ESYT2: variants seen among roughly 807,000 people sequenced by gnomAD.
The protein encoded by ESYT2 is extended synaptotagmin 2.
ESYT2 carries 54 observed loss-of-function variants against 107.2 expected under a neutral mutation model. The observed-to-expected ratio is 0.50, with a 90% CI of 0.40 to 0.63. The LOEUF is 0.63. ESYT2 is among the 30% of genes least tolerant of loss of function. The pLI is 0.00. For missense variants in ESYT2, 1,020 were observed against 1,094.5 expected (o/e 0.93, Z 0.96); for synonymous variants, 491 against 434.1 (o/e 1.13, Z -1.63).
rs981869625 is a variant in ESYT2 at position 158,733,543 on chromosome 7, T to C, written c.*664A>G. Reference sequence around the variant, plus strand: ...ATTCTCTTAATATATTACTCAGTTATAAAACATTTTTCCTTATAAGCCCTT... The same window carrying C: ...ATTCTCTTAATATATTACTCAGTTACAAAACATTTTTCCTTATAAGCCCTT... On this transcript the variant is annotated 3_prime_UTR_variant, in exon 23 of 23. Transcript: ENST00000275418. The C allele has an allele frequency of 2.0e-5, 3 of 152,262 alleles. No homozygotes were observed. Among genetic ancestry groups the C allele is most frequent in the African/African-American group, 7.2e-5 (3 of 41,470 alleles). The allele number at this position is 152,262 out of a possible 1,614,324, so 9.4% of individuals were successfully genotyped here. A position where few individuals can be genotyped will look rare whatever the true frequency, so the allele number is the denominator to read the frequency against.
At chr7:158,820,941 C>G (rs1252954139) in intron 1 of ESYT2, among the ~76,000 whole-genome samples, 1 of 152,176 alleles carries the variant, frequency 6.6e-6, no homozygotes, top group Non-Finnish European at 1.5e-5. Flanking sequence ...GCACCTAACA[C>G]AGTACCTAGA....
chr7:158,799,005 T>A, intron 2 of ESYT2, 26 bp downstream of exon 2: 1 of 1,598,904 alleles, frequency 6.3e-7, no homozygotes, highest in Non-Finnish European at 8.5e-7. Flanking sequence ...CACTGATGGA[T>A]GGTAGTTGGT....
At chr7:158,765,879 T>G (rs1372830330) in intron 8 of ESYT2, among the ~76,000 whole-genome samples, 1 of 152,156 alleles carries the variant, frequency 6.6e-6, no homozygotes, top group Non-Finnish European at 1.5e-5. Context: ...TAGGAAGCAT[T>G]CTGCCCCCAC....
chr7:158,793,192 T>G (rs1839362472), intron 4 of ESYT2, among the ~76,000 whole-genome samples: 1 of 152,232 alleles, frequency 6.6e-6, no homozygotes, highest in Non-Finnish European at 1.5e-5. Flanking sequence ...TAAATGCTTT[T>G]TCTCCATCAA....
intron 19 of ESYT2, among the ~76,000 whole-genome samples, chr7:158,738,328 TACACACACACACACAGACAC>T (rs1837047400): frequency 3.2e-5 from 2 of 62,928 alleles, no homozygotes; most frequent in Non-Finnish European, 5.7e-5. Flanking sequence ...AAAAAAAAAA[TACACACACACACACAGACAC>T]ACACACACAC....
At position 158,741,539 on chromosome 7, in the gene ESYT2, G is replaced by A; in HGVS notation, c.2152C>T (p.Leu718=). 15 of 1,590,084 alleles carry A rather than the reference G, an allele frequency of 9.4e-6. No individual in the cohort carries two copies. The highest frequency in any genetic ancestry group is 1.3e-5 in the Non-Finnish European group (15 of 1,173,596). Residue 718 remains leucine (L), a synonymous_variant, in exon 18 of 23, where the codon CTG becomes TTG. Coordinates refer to ENST00000275418, the MANE Select transcript of ESYT2 (RefSeq NM_001367773.1). ...CTTAGTTACTTTTCCAGCTGCCTCA[G>A]CCTTTGCCGCAGCTCCTGGGTGGCG... is the stretch of plus-strand genomic sequence containing the variant. ...PIATQELRQR[L]RQLENGTTLG...
intron 1 of ESYT2, 36 bp downstream of exon 1, chr7:158,829,053 G>T (rs1221626680): frequency 3.2e-6 from 5 of 1,569,258 alleles, no homozygotes; most frequent in East Asian, 2.4e-5. Flanking sequence ...CGGGACTGGT[G>T]GTCAGGGGTC....
chr7:158,798,023 T>A lies in ESYT2; in HGVS notation c.426A>T (p.Arg142=). The A allele has an allele frequency of 6.2e-7, 1 of 1,614,148 alleles. No homozygotes were observed. Among genetic ancestry groups the A allele is most frequent in the Non-Finnish European group, 8.5e-7 (1 of 1,180,026 alleles). Reference sequence around the variant, plus strand: ...CCCGCACGGCTGGTTCTATAGTTTCTCGAAACAACTTCTCTATAAATTGGC... The same window carrying A: ...CCCGCACGGCTGGTTCTATAGTTTCACGAAACAACTTCTCTATAAATTGGC... ...FICQFIEKLF[R]ETIEPAVRGA... The change falls in exon 3 of 23, where the codon CGA becomes CGT. Residue 142 remains arginine (R), a synonymous_variant. Coordinates refer to ENST00000275418, the MANE Select transcript of ESYT2 (RefSeq NM_001367773.1).
At chr7:158,801,058 C>T (rs1189002305) in intron 1 of ESYT2, among the ~76,000 whole-genome samples, 5 of 151,634 alleles carry the variant, frequency 3.3e-5, no homozygotes, top group African/African-American at 7.3e-5. Context: ...CGGGAGGAGG[C>T]GGCACCCATG....
intron 16 of ESYT2, among the ~76,000 whole-genome samples, chr7:158,746,229 G>GAC (rs55828446): frequency 0.64 from 94,460 of 147,864 alleles, 31,287 homozygotes; most frequent in Non-Finnish European, 0.73. Context: ...TACATAAATA[G>GAC]ACACACACAC....
chr7:158,738,328 TACAC>T (rs1390957142), intron 19 of ESYT2, among the ~76,000 whole-genome samples: 14 of 62,940 alleles, frequency 2.2e-4, no homozygotes, highest in African/African-American at 8.1e-4. Flanking sequence ...AAAAAAAAAA[TACAC>T]ACACACACAC....
chr7:158,762,973 T>G (rs1838025703), intron 10 of ESYT2, 110 bp downstream of exon 10: 1 of 658,642 alleles, frequency 1.5e-6, no homozygotes, highest in Non-Finnish European at 2.5e-6. Flanking sequence ...AAGAACCATT[T>G]AATGAATAGA....
intron 6 of ESYT2, among the ~76,000 whole-genome samples, chr7:158,778,763 T>A (rs953445651): frequency 2.6e-5 from 4 of 152,050 alleles, no homozygotes; most frequent in Admixed American, 2.0e-4. Flanking sequence ...ATGTTTGCAG[T>A]TGATGCAAAA....
chr7:158,788,483 T>C (rs1349346217), intron 4 of ESYT2, 66 bp from the exon 5 acceptor site: 1 of 1,315,116 alleles, frequency 7.6e-7, no homozygotes, highest in Non-Finnish European at 1.1e-6. Context: ...ATTATAGACC[T>C]GCAAGATGTA....
chr7:158,796,119 C>T (rs62480284), intron 3 of ESYT2, among the ~76,000 whole-genome samples: 19,397 of 152,232 alleles, frequency 0.13, 1,395 homozygotes, highest in African/African-American at 0.2. Flanking sequence ...AACCGCACTG[C>T]ACGGGGATGT....
Position 158,735,569 on chromosome 7 carries a change from TCTC to T in ESYT2, c.2436_2438del (p.Arg813del), listed in dbSNP as rs781770020. On this transcript the variant is annotated inframe_deletion, in exon 21 of 23. Transcript: ENST00000275418. ...TGTTCTTCACGGCAACGTCGAGCGTTCTCCTCTGCACTTCTGGTAACGAAACAC... is the reference window on the plus strand; with the variant it reads ...TGTTCTTCACGGCAACGTCGAGCGTTCTCTGCACTTCTGGTAACGAAACAC... The T allele has an allele frequency of 5.0e-6, 8 of 1,614,140 alleles. No individual in the cohort carries two copies. Among genetic ancestry groups the T allele is most frequent in the Non-Finnish European group, 6.8e-6 (8 of 1,179,968 alleles).
chr7:158,741,483 T>A, intron 18 of ESYT2, 40 bp downstream of exon 18: 3 of 1,519,658 alleles, frequency 2.0e-6, no homozygotes, highest in Non-Finnish European at 2.6e-6. Flanking sequence ...GGGGGGCGCT[T>A]GCTCTGCTGG....
intron 4 of ESYT2, among the ~76,000 whole-genome samples, chr7:158,792,764 GTTT>G (rs35348712): frequency 0.022 from 2,570 of 117,826 alleles, 39 homozygotes; most frequent in Non-Finnish European, 0.033. Context: ...ATAACGTGGG[GTTT>G]TTTTTTTTTT....
chr7:158,738,902 T>C, intron 19 of ESYT2, 121 bp downstream of exon 19: 1 of 1,025,844 alleles, frequency 9.7e-7, no homozygotes, highest in Non-Finnish European at 1.5e-6. Flanking sequence ...TTAATTGCTT[T>C]GTCCTTTCTA....
Sources: allele counts gnomAD v4.1 joint callset (sites outside exome capture counted in the v4.1 genomes callset), GRCh38; gene constraint gnomAD v4.1.1; transcripts MANE v1.5; gene names NCBI Gene and HGNC (gene_info 2026-07-23, HGNC 2026-07-21).